Variants in TRAPPC9 observed in about 807,000 individuals in gnomAD.
The protein encoded by TRAPPC9 is trafficking protein particle complex subunit 9.
Under a neutral mutation model 124.0 loss-of-function variants are expected in TRAPPC9, and 83 were observed. That is an observed-to-expected ratio of 0.67 (90% CI 0.56 to 0.80). The LOEUF is 0.80. Among genes scored for constraint, TRAPPC9 ranks in the 30% least tolerant of loss-of-function variants. The probability of loss-of-function intolerance (pLI) is 0.00; values close to 1 mark genes in which losing one functional copy is unlikely to be tolerated. For missense variants in TRAPPC9, 1,302 were observed against 1,508.3 expected (o/e 0.86, Z 2.27); for synonymous variants, 638 against 617.5 (o/e 1.03, Z -0.49).
At chr8:139,804,492 A>AC (rs1471467161) in intron 21 of TRAPPC9, among the ~76,000 whole-genome samples, 8 of 128,580 alleles carry the variant, frequency 6.2e-5, no homozygotes, top group East Asian at 2.4e-4. Context: ...CACCACCACC[A>AC]CACACACAAC....
chr8:139,792,755 G>A (rs1440173218), intron 21 of TRAPPC9, among the ~76,000 whole-genome samples: 4 of 152,254 alleles, frequency 2.6e-5, no homozygotes, highest in East Asian at 1.9e-4. Context: ...ACCCACGGCC[G>A]GCGAGGGATG....
chr8:140,430,918 G>A (rs545744837), intron 4 of TRAPPC9, among the ~76,000 whole-genome samples: 1 of 152,192 alleles, frequency 6.6e-6, no homozygotes, highest in South Asian at 2.1e-4. Context: ...AGGATTACAG[G>A]TGTGAGCCAC....
At chr8:139,823,297 A>T (rs764780657) in intron 21 of TRAPPC9, among the ~76,000 whole-genome samples, 53 of 152,076 alleles carry the variant, frequency 3.5e-4, no homozygotes, top group South Asian at 1.7e-3. Flanking sequence ...GTGGAGAAAG[A>T]GTGTGATTTT....
intron 17 of TRAPPC9, among the ~76,000 whole-genome samples, chr8:140,088,395 A>T (rs1269207838): frequency 6.6e-6 from 1 of 152,218 alleles, no homozygotes; most frequent in Non-Finnish European, 1.5e-5. Flanking sequence ...ACCAACCTAG[A>T]GATAAACAAG....
intron 2 of TRAPPC9, among the ~76,000 whole-genome samples, chr8:140,443,221 G>C (rs1448007366): frequency 7.0e-6 from 1 of 142,212 alleles, no homozygotes; most frequent in South Asian, 2.3e-4. Context: ...AGATCACAAA[G>C]TCAGGAGATC....
intron 21 of TRAPPC9, among the ~76,000 whole-genome samples, chr8:139,794,186 G>A (rs935451725): frequency 5.3e-5 from 8 of 152,200 alleles, no homozygotes; most frequent in South Asian, 2.1e-4. Flanking sequence ...AGGAGCTCCT[G>A]AGAGCAGAGG....
chr8:140,255,521 G>C (rs982237535), intron 15 of TRAPPC9, among the ~76,000 whole-genome samples: 1 of 152,238 alleles, frequency 6.6e-6, no homozygotes, highest in Non-Finnish European at 1.5e-5. Flanking sequence ...TGGAATCGTT[G>C]AGCAGGCTGG....
At chr8:139,756,671 G>GT (rs1212044714) in intron 21 of TRAPPC9, among the ~76,000 whole-genome samples, 5 of 136,708 alleles carry the variant, frequency 3.7e-5, no homozygotes, top group East Asian at 2.3e-4. Flanking sequence ...AGGGATTGGG[G>GT]ATGAGGACAG....
chr8:140,341,519 CA>C (rs2067193885), intron 9 of TRAPPC9, among the ~76,000 whole-genome samples: 1 of 152,140 alleles, frequency 6.6e-6, no homozygotes, highest in Non-Finnish European at 1.5e-5. Context: ...CTGTAAAAGA[CA>C]AACCTTTCTT....
chr8:139,877,769 C>T (rs1185958558), intron 21 of TRAPPC9, among the ~76,000 whole-genome samples: 1 of 152,218 alleles, frequency 6.6e-6, no homozygotes, highest in Admixed American at 6.5e-5. Flanking sequence ...AACATGCTCT[C>T]TGCTGGGCTC....
At chr8:140,288,178 C>CA (rs1011130310) in intron 12 of TRAPPC9, among the ~76,000 whole-genome samples, 5 of 152,044 alleles carry the variant, frequency 3.3e-5, no homozygotes, top group African/African-American at 1.2e-4. Context: ...CCCATCTCTA[C>CA]AAAAAAAATT....
At chr8:139,790,390 A>T (rs1315999956) in intron 21 of TRAPPC9, among the ~76,000 whole-genome samples, 1 of 152,174 alleles carries the variant, frequency 6.6e-6, no homozygotes, top group Non-Finnish European at 1.5e-5. Flanking sequence ...GTTCTTCAGC[A>T]AGAGGTGCCA....
intron 21 of TRAPPC9, among the ~76,000 whole-genome samples, chr8:139,752,408 A>ACCATCCAT (rs200531976): frequency 6.7e-6 from 1 of 148,886 alleles, no homozygotes; most frequent in African/African-American, 2.5e-5. Flanking sequence ...CCACCCATCT[A>ACCATCCAT]CCGTCCATCC....
Position 140,046,975 on chromosome 8 carries a change from A to T in TRAPPC9, c.2557-22896T>A, listed in dbSNP as rs192712475. 5.3e-3 allele frequency among the ~76,000 whole-genome samples: 810 copies of T among 152,344 alleles called. 5 individuals carry two copies. The highest frequency in any genetic ancestry group is 5.8e-3 in the Non-Finnish European group (392 of 68,034). On this transcript the variant is annotated intron_variant, in intron 17 of 22. Transcript: ENST00000438773. ...ATAGAAACGTGTACAGAAAAAGCCT[A>T]GAAAGGTTCCCGTGGCACCTACAAT...
chr8:140,195,945 G>A (rs1466602892), intron 17 of TRAPPC9, among the ~76,000 whole-genome samples: 1 of 145,926 alleles, frequency 6.9e-6, no homozygotes, highest in East Asian at 2.0e-4. Context: ...GATCACACCT[G>A]TGACATTAAA....
chr8:139,860,968 G>A (rs1168713270), intron 21 of TRAPPC9, among the ~76,000 whole-genome samples: 4 of 152,258 alleles, frequency 2.6e-5, no homozygotes, highest in African/African-American at 9.6e-5. Flanking sequence ...GCTGCCGGTG[G>A]AGCAGGCGTC....
chr8:140,181,000 T>C (rs954330321), intron 17 of TRAPPC9, among the ~76,000 whole-genome samples: 1 of 152,224 alleles, frequency 6.6e-6, no homozygotes, highest in Non-Finnish European at 1.5e-5. Flanking sequence ...TCAGGCTAAT[T>C]CTCAGTTGCC....
chr8:139,807,085 G>A (rs1374408555), intron 21 of TRAPPC9, among the ~76,000 whole-genome samples: 1 of 152,224 alleles, frequency 6.6e-6, no homozygotes, highest in African/African-American at 2.4e-5. Flanking sequence ...GCCCTGCACA[G>A]CCTCCACCCA....
chr8:140,288,715 C>T (rs570345617), intron 12 of TRAPPC9, among the ~76,000 whole-genome samples: 186 of 152,214 alleles, frequency 1.2e-3, no homozygotes, highest in African/African-American at 4.2e-3. Context: ...AAAAAAAAGG[C>T]GTTATTTCTA....
Sources: allele counts gnomAD v4.1 joint callset (sites outside exome capture counted in the v4.1 genomes callset), GRCh38; gene constraint gnomAD v4.1.1; transcripts MANE v1.5; gene names NCBI Gene and HGNC (gene_info 2026-07-23, HGNC 2026-07-21).